DNAI3: variants seen among roughly 807,000 people sequenced by gnomAD.
DNAI3 encodes WD repeat domain 63.
A neutral mutation model predicts 115.5 loss-of-function variants in DNAI3; 83 were observed. That is an observed-to-expected ratio of 0.72 (90% CI 0.60 to 0.86). The LOEUF is 0.86. Ranked by LOEUF, DNAI3 falls within the 40% of genes least tolerant of loss-of-function variation. The probability of loss-of-function intolerance (pLI) is 0.00; values close to 1 mark genes in which losing one functional copy is unlikely to be tolerated. For synonymous variants in DNAI3, 320 were observed against 347.0 expected (o/e 0.92, Z 0.86); for missense variants, 1,004 against 1,075.8 (o/e 0.93, Z 0.93).
At chr1:85,094,195 C>A in intron 9 of DNAI3, 1 of 547,490 alleles carries the variant, frequency 1.8e-6, no homozygotes, top group South Asian at 2.3e-5. Flanking sequence ...TCTTCTGAGT[C>A]CCCTGTATAT....
intron 17 of DNAI3, among the ~76,000 whole-genome samples, chr1:85,120,307 C>T (rs1655960303): frequency 6.6e-6 from 1 of 152,142 alleles, no homozygotes; most frequent in Non-Finnish European, 1.5e-5. Context: ...GGAGTGGAAC[C>T]CTGGAGGGAG....
intron 3 of DNAI3, among the ~76,000 whole-genome samples, chr1:85,074,672 G>A (rs1486940188): frequency 1.3e-5 from 2 of 152,116 alleles, no homozygotes; most frequent in African/African-American, 4.8e-5. Context: ...ATTCTCGTTC[G>A]TGTATTCTAT....
chr1:85,120,006 C>T (rs1008988949), intron 17 of DNAI3, among the ~76,000 whole-genome samples: 1 of 151,972 alleles, frequency 6.6e-6, no homozygotes, highest in Non-Finnish European at 1.5e-5. Context: ...GGCCTTTTTT[C>T]TCATCCTCCT....
At chr1:85,117,964 A>G in intron 17 of DNAI3, 105 bp downstream of exon 17, 1 of 1,334,604 alleles carries the variant, frequency 7.5e-7, no homozygotes, top group East Asian at 2.6e-5. Context: ...TAAAAGTTAT[A>G]CCATTTTCAT....
In DNAI3 at chr1:85,093,507, G is replaced by T; in HGVS notation, c.907G>T (p.Asp303Tyr). Residue 303 changes from aspartate to tyrosine, a missense_variant, in exon 9 of 23, where the codon GAC becomes TAC. Asp to Tyr is a radical substitution (Grantham distance 160). Coordinates refer to ENST00000294664, the MANE Select transcript of DNAI3 (RefSeq NM_145172.5). Reference protein sequence around the residue: ...QNEIMNTFIDDWKYLAEEEGT... With the variant: ...QNEIMNTFIDYWKYLAEEEGT... ...TGAAATCATGAACACATTTATTGAT[G>T]ACTGGAAATACCTCGCAGAAGAAGA... The T allele has an allele frequency of 6.2e-7, 1 of 1,614,036 alleles. No individual in the cohort carries two copies. The highest frequency in any genetic ancestry group is 1.1e-5 in the South Asian group (1 of 91,052).
At chr1:85,104,700 C>A in intron 14 of DNAI3, 103 bp downstream of exon 14, 3 of 895,846 alleles carry the variant, frequency 3.3e-6, no homozygotes, top group South Asian at 1.6e-5. Context: ...TTTATGGTAG[C>A]AATTAAATCT....
rs370142215 is a variant in DNAI3, at chr1:85,071,892, G to T, written c.-14-36G>T. On this transcript the variant is annotated intron_variant, in intron 1 of 22. Coordinates refer to ENST00000294664, the MANE Select transcript of DNAI3 (RefSeq NM_145172.5). ...TGAAATTGTAAGTTGTTTGCAAATT[G>T]TAACAATTTACTAATAATATCATCT... 7 of 1,565,444 alleles carry T rather than the reference G, an allele frequency of 4.5e-6. No individual in the cohort carries two copies. The African/African-American group carries it at 8.3e-5, about 18-fold the overall frequency.
Position 85,081,400 on chromosome 1 carries a change from C to CA in DNAI3, c.277dup (p.Ile93AsnfsTer9). On this transcript the variant is annotated frameshift_variant, in exon 4 of 23. Coordinates refer to ENST00000294664, the MANE Select transcript of DNAI3 (RefSeq NM_145172.5). LOFTEE classifies it high-confidence loss of function. Reference sequence around the variant, plus strand: ...CTGCAGTATCTGATTTCCACCCAGTCAAAAAAATTGTCCAGGTAAGCACAA... The same window carrying CA: ...CTGCAGTATCTGATTTCCACCCAGTCAAAAAAAATTGTCCAGGTAAGCACAA... 1 of 1,573,492 alleles carries CA rather than the reference C, an allele frequency of 6.4e-7. No individual in the cohort carries two copies. The highest frequency in any genetic ancestry group is 1.2e-5 in the South Asian group (1 of 83,510).
Position 85,093,757 on chromosome 1 carries a change from T to A in DNAI3, c.1048+109T>A, listed in dbSNP as rs146355255. On this transcript the variant is annotated intron_variant, in intron 9 of 22. Coordinates refer to ENST00000294664, the MANE Select transcript of DNAI3 (RefSeq NM_145172.5). ...CAATGTCAATAAGACACCTTCCATT[T>A]GCTCTGTACTCACTAGGTACCTGCC... 5.3e-3 allele frequency: 7,114 copies of A among 1,350,372 alleles called. 33 individuals carry two copies. Among genetic ancestry groups the A allele is most frequent in the Non-Finnish European group, 5.6e-3 (5,307 of 954,622 alleles). 83.6% of individuals were successfully genotyped at this position (1,350,372 alleles called of 1,614,324 possible).
chr1:85,072,083 T>A, intron 2 of DNAI3, 78 bp downstream of exon 2: 2 of 1,322,646 alleles, frequency 1.5e-6, no homozygotes, highest in Non-Finnish European at 1.1e-6. Flanking sequence ...ATTATGGTTT[T>A]ACATATCAAA....
intron 11 of DNAI3, among the ~76,000 whole-genome samples, chr1:85,097,099 C>T (rs776808551): frequency 7.2e-5 from 11 of 152,046 alleles, no homozygotes; most frequent in African/African-American, 2.7e-4. Flanking sequence ...TAAAAAATGG[C>T]CTTCTAGATA....
chr1:85,077,614 A>G (rs1162311803), intron 3 of DNAI3, among the ~76,000 whole-genome samples: 2 of 152,220 alleles, frequency 1.3e-5, no homozygotes, highest in Non-Finnish European at 2.9e-5. Flanking sequence ...TATTCCAGAA[A>G]AAAGCAAACT....
intron 16 of DNAI3, among the ~76,000 whole-genome samples, chr1:85,117,106 T>C (rs1200224115): frequency 6.6e-6 from 1 of 152,136 alleles, no homozygotes; most frequent in Non-Finnish European, 1.5e-5. Context: ...TATGAGCATA[T>C]ATTTCTCTAC....
intron 16 of DNAI3, among the ~76,000 whole-genome samples, chr1:85,117,509 C>T (rs1655866446): frequency 6.6e-6 from 1 of 152,160 alleles, no homozygotes; most frequent in African/African-American, 2.4e-5. Context: ...GCAGGTATAG[C>T]TAGAGCTATA....
intron 2 of DNAI3, among the ~76,000 whole-genome samples, chr1:85,072,495 A>C (rs1206338967): frequency 2.0e-4 from 30 of 150,884 alleles, no homozygotes; most frequent in Non-Finnish European, 5.9e-5. Context: ...TACACAAATT[A>C]GCCAGGCGTG....
intron 3 of DNAI3, among the ~76,000 whole-genome samples, 187 bp from the exon 4 acceptor site, chr1:85,081,047 T>G (rs947633278): frequency 1.3e-5 from 2 of 152,188 alleles, no homozygotes; most frequent in African/African-American, 4.8e-5. Flanking sequence ...GTTATTTTCT[T>G]CTTTTTTAAA....
chr1:85,080,959 A>G (rs1654617444), intron 3 of DNAI3, among the ~76,000 whole-genome samples: 1 of 152,214 alleles, frequency 6.6e-6, no homozygotes, highest in South Asian at 2.1e-4. Context: ...TATGAGGTAT[A>G]TATGGAATGA....
rs1239733968 is a variant in DNAI3, at chr1:85,097,551, C to T, written c.1264-18C>T. ...ATATTTTCTGAAAAGGTTATGATAA[C>T]ATTTATTTCCATTTTAGATTGTCAT... On this transcript the variant is annotated intron_variant, in intron 11 of 22. Transcript: ENST00000294664. 1 of 1,589,502 alleles carries T rather than the reference C, an allele frequency of 6.3e-7. No homozygotes were observed. Among genetic ancestry groups the T allele is most frequent in the South Asian group, 1.2e-5 (1 of 85,090 alleles).
intron 13 of DNAI3, among the ~76,000 whole-genome samples, chr1:85,103,392 C>A (rs547404513): frequency 6.6e-6 from 1 of 152,224 alleles, no homozygotes; most frequent in Non-Finnish European, 1.5e-5. Context: ...AAGGTCAGGT[C>A]TTACAACAGT....
Sources: allele counts gnomAD v4.1 joint callset (sites outside exome capture counted in the v4.1 genomes callset), GRCh38; gene constraint gnomAD v4.1.1; transcripts MANE v1.5; gene names NCBI Gene and HGNC (gene_info 2026-07-23, HGNC 2026-07-21).